PRKAA2: variants seen among roughly 807,000 people sequenced by gnomAD.
The protein encoded by PRKAA2 is 5'-AMP-activated protein kinase catalytic subunit alpha-2.
In PRKAA2, 40 loss-of-function variants were observed where a neutral mutation model predicts 56.3. That is an observed-to-expected ratio of 0.71 (90% CI 0.55 to 0.92). The LOEUF (loss-of-function observed/expected upper bound fraction) is 0.92, where lower values mean the gene tolerates loss of function less well. Among genes scored for constraint, PRKAA2 ranks in the 40% least tolerant of loss-of-function variants. The probability of loss-of-function intolerance (pLI) is 0.00; values close to 1 mark genes in which losing one functional copy is unlikely to be tolerated. For missense variants in PRKAA2, 542 were observed against 686.9 expected, an observed-to-expected ratio of 0.79 and a Z score of 2.36; for synonymous variants, 214 against 234.2, an observed-to-expected ratio of 0.91 and a Z score of 0.79.
At chr1:56,695,381 G>A (rs944006470) in intron 5 of PRKAA2, among the ~76,000 whole-genome samples, 12 of 151,752 alleles carry the variant, frequency 7.9e-5, no homozygotes, top group Admixed American at 7.2e-4. Context: ...AGTAGAAACA[G>A]CGTTTCACCA....
At chr1:56,659,743 A>G (rs989768446) in intron 1 of PRKAA2, among the ~76,000 whole-genome samples, 2 of 151,992 alleles carry the variant, frequency 1.3e-5, no homozygotes, top group Admixed American at 1.3e-4. Flanking sequence ...CCCCATCTCA[A>G]CAAGAAACAT....
At chr1:56,671,452 G>A (rs1449595002) in intron 1 of PRKAA2, 1 of 152,122 alleles carries the variant, frequency 6.6e-6, no homozygotes, top group African/African-American at 2.4e-5. Context: ...TGAATAGAAA[G>A]TTCCTAGAAA....
At chr1:56,675,955 TAAA>T (rs1251512944) in intron 2 of PRKAA2, among the ~76,000 whole-genome samples, 3 of 88,018 alleles carry the variant, frequency 3.4e-5, no homozygotes, top group Non-Finnish European at 2.2e-5. Flanking sequence ...AATATACTAT[TAAA>T]AAAGAAGTAT....
intron 1 of PRKAA2, among the ~76,000 whole-genome samples, chr1:56,659,199 A>G (rs919776648): frequency 2.6e-5 from 4 of 151,960 alleles, no homozygotes; most frequent in Non-Finnish European, 5.9e-5. Flanking sequence ...TAAATTTTAA[A>G]GAAGTATTTT....
In PRKAA2 at chr1:56,709,155, G is replaced by A. The variant is rs1447311241; in HGVS notation, c.*1442G>A. 2 of 151,860 alleles carry A rather than the reference G, an allele frequency of 1.3e-5. No individual in the cohort carries two copies. The highest frequency in any genetic ancestry group is 2.9e-5 in the Non-Finnish European group (2 of 67,916). The allele number at this position is 151,860 out of a possible 1,614,324, so 9.4% of individuals were successfully genotyped here. On this transcript the variant is annotated 3_prime_UTR_variant, in exon 9 of 9. Coordinates refer to ENST00000371244, the MANE Select transcript of PRKAA2 (RefSeq NM_006252.4). Reference sequence around the variant, plus strand: ...ATTACCCTAAAAAAATTAAGCTCTTGAAAACAAAAAAATGACATTACCTTG... The same window carrying A: ...ATTACCCTAAAAAAATTAAGCTCTTAAAAACAAAAAAATGACATTACCTTG...
chr1:56,655,371 T>A (rs1193610049), intron 1 of PRKAA2, among the ~76,000 whole-genome samples: 13 of 146,086 alleles, frequency 8.9e-5, no homozygotes, highest in Non-Finnish European at 1.5e-4. Context: ...TATATTGGCC[T>A]CCCAGAATGC....
At chr1:56,676,446 A>C (rs1336242375) in intron 2 of PRKAA2, among the ~76,000 whole-genome samples, 1 of 152,248 alleles carries the variant, frequency 6.6e-6, no homozygotes, top group Admixed American at 6.5e-5. Context: ...GAATGCAGGC[A>C]GTCTCTACAA....
intron 1 of PRKAA2, among the ~76,000 whole-genome samples, chr1:56,673,342 C>A (rs1644091055): frequency 6.6e-6 from 1 of 152,006 alleles, no homozygotes; most frequent in Non-Finnish European, 1.5e-5. Context: ...GCACTGCATT[C>A]CAGCCTGGAT....
chr1:56,707,830 C>A lies in PRKAA2; in HGVS notation c.*117C>A. On this transcript the variant is annotated 3_prime_UTR_variant, in exon 9 of 9. Transcript: ENST00000371244. ...ACTAATTGAGAAACATGAATTATTTCCAGGGGCACACAATGCTATTGAAAT... is the reference window on the plus strand; with the variant it reads ...ACTAATTGAGAAACATGAATTATTTACAGGGGCACACAATGCTATTGAAAT... The A allele has an allele frequency of 1.0e-6, 1 of 955,710 alleles. No individual in the cohort carries two copies. Among genetic ancestry groups the A allele is most frequent in the Non-Finnish European group, 1.6e-6 (1 of 635,712 alleles). 59.2% of individuals were successfully genotyped at this position (955,710 alleles called of 1,614,324 possible).
chr1:56,674,620 GA>G, intron 2 of PRKAA2, 98 bp downstream of exon 2: 4 of 1,115,844 alleles, frequency 3.6e-6, no homozygotes, highest in East Asian at 5.7e-5. Flanking sequence ...CTTTTACAAA[GA>G]TTTTTTTTCA....
At chr1:56,706,777 C>T (rs1219312957) in intron 8 of PRKAA2, among the ~76,000 whole-genome samples, 1 of 152,074 alleles carries the variant, frequency 6.6e-6, no homozygotes, top group Non-Finnish European at 1.5e-5. Context: ...TTTCAGAGGC[C>T]CAAGTGGGAT....
At chr1:56,695,009 T>C (rs981176694) in intron 5 of PRKAA2, among the ~76,000 whole-genome samples, 1 of 151,862 alleles carries the variant, frequency 6.6e-6, no homozygotes, top group Non-Finnish European at 1.5e-5. Context: ...GGAATAATAC[T>C]ATAAGCATAG....
intron 2 of PRKAA2, 50 bp downstream of exon 2, chr1:56,674,572 G>C: frequency 7.6e-7 from 1 of 1,320,916 alleles, no homozygotes; most frequent in Non-Finnish European, 1.0e-6. Context: ...ATCTTAAAAT[G>C]TTTTTTAGGA....
chr1:56,645,383 C>G lies in PRKAA2; in HGVS notation c.-5C>G, dbSNP rs1646631205. The G allele has an allele frequency of 6.8e-6, 10 of 1,475,646 alleles. No homozygotes were observed. Among genetic ancestry groups the G allele is most frequent in the East Asian group, 3.0e-5 (1 of 32,890 alleles). The allele number at this position is 1,475,646 out of a possible 1,614,324, so 91.4% of individuals were successfully genotyped here. On this transcript the variant is annotated 5_prime_UTR_variant, in exon 1 of 9. Coordinates refer to ENST00000371244, the MANE Select transcript of PRKAA2 (RefSeq NM_006252.4). The stretch of plus-strand genomic sequence containing the variant: ...GGCGGTGGAGCGAGGCCGCGCGCGC[C>G]GAAGATGGCTGAGAAGCAGAAGCAC...
chr1:56,669,375 C>T (rs1393202710), intron 1 of PRKAA2, among the ~76,000 whole-genome samples: 1 of 151,896 alleles, frequency 6.6e-6, no homozygotes, highest in African/African-American at 2.4e-5. Flanking sequence ...AGGAGAATCA[C>T]TTGAACCCGG....
chr1:56,665,515 T>C (rs1287401510), intron 1 of PRKAA2, among the ~76,000 whole-genome samples: 1 of 152,236 alleles, frequency 6.6e-6, no homozygotes, highest in Non-Finnish European at 1.5e-5. Context: ...CACTTTTAAT[T>C]TATGCATTTC....
At chr1:56,674,095 T>C (rs1644096609) in intron 1 of PRKAA2, among the ~76,000 whole-genome samples, 1 of 152,214 alleles carries the variant, frequency 6.6e-6, no homozygotes, top group Admixed American at 6.5e-5. Context: ...GATTATGTTT[T>C]TAGTAAGAAT....
At chr1:56,694,891 CT>C (rs1644248908) in intron 5 of PRKAA2, among the ~76,000 whole-genome samples, 1 of 151,916 alleles carries the variant, frequency 6.6e-6, no homozygotes, top group Non-Finnish European at 1.5e-5. Context: ...AGATTATATT[CT>C]TTTCATTAGA....
intron 5 of PRKAA2, among the ~76,000 whole-genome samples, chr1:56,695,636 T>C (rs978743216): frequency 1.3e-5 from 2 of 152,186 alleles, no homozygotes; most frequent in African/African-American, 4.8e-5. Context: ...TCATCTACTT[T>C]GTTTCCCTCA....
Sources: gnomAD v4.1 joint callset for allele counts (sites outside exome capture counted in the v4.1 genomes callset) on GRCh38, gnomAD v4.1.1 for gene constraint, MANE v1.5 for transcripts, NCBI Gene and HGNC (gene_info 2026-07-23, HGNC 2026-07-21) for gene names.